GAB2: variants seen among roughly 807,000 people sequenced by gnomAD.
GAB2 encodes the protein GRB2 associated binding protein 2.
Under a neutral mutation model 65.5 loss-of-function variants are expected in GAB2, and 26 were observed. The observed-to-expected ratio is 0.40, with a 90% confidence interval of 0.29 to 0.55. The LOEUF (loss-of-function observed/expected upper bound fraction) is 0.55. GAB2 is among the 20% of genes least tolerant of loss of function. The probability of loss-of-function intolerance (pLI) is 0.53; values close to 1 mark genes in which losing one functional copy is unlikely to be tolerated. For missense variants in GAB2, 884 were observed against 875.8 expected (o/e 1.01, Z -0.12); for synonymous variants, 321 against 329.6 (o/e 0.97, Z 0.28).
chr11:78,228,331 G>A (rs1864747855), intron 3 of GAB2, among the ~76,000 whole-genome samples: 1 of 152,128 alleles, frequency 6.6e-6, no homozygotes, highest in African/African-American at 2.4e-5. Flanking sequence ...TTCACTTGGG[G>A]AAAAAAAGAA....
At chr11:78,324,539 C>A (rs1467684842) in intron 1 of GAB2, among the ~76,000 whole-genome samples, 1 of 152,186 alleles carries the variant, frequency 6.6e-6, no homozygotes, top group Non-Finnish European at 1.5e-5. Context: ...AGAGGGAAAG[C>A]AATGGCTAGC....
Position 78,406,795 on chromosome 11 carries a change from A to C in GAB2, c.75+10851T>G, listed in dbSNP as rs72933721. Among the ~76,000 whole-genome samples the C allele has an allele frequency of 3.4e-3, 513 of 152,362 alleles. 1 individual carries two copies. The highest frequency in any genetic ancestry group is 3.5e-3 in the Non-Finnish European group (235 of 68,034). On this transcript the variant is annotated intron_variant, in intron 1 of 9. Transcript: ENST00000361507. The stretch of plus-strand genomic sequence containing the variant: ...GAGCTGTTAGAATTATCTTTCAAAG[A>C]TTTTAAAGAGTCATCATAAAAATGC...
rs770048392 is a variant in GAB2 at position 78,226,864 on chromosome 11, G to C, written c.808C>G (p.Arg270Gly). 8.7e-6 allele frequency: 14 copies of C among 1,614,106 alleles called. No homozygotes were observed. The highest frequency in any genetic ancestry group is 5.5e-5 in the South Asian group (5 of 91,082). ...EFRDSTYDLPRSLASHGHTKG... is the reference protein window; with the variant it reads ...EFRDSTYDLPGSLASHGHTKG... The stretch of plus-strand genomic sequence containing the variant: ...GTGTGGCCATGGGAGGCCAGGCTGC[G>C]GGGGAGGTCGTAGGTACTGTCTCTG... The change falls in exon 4 of 10, where the codon CGC (arginine) becomes GGC (glycine). Residue 270 changes from arginine (R) to glycine (G), a missense_variant. Physicochemically the swap from Arg to Gly is moderately radical, Grantham distance 125. Transcript: ENST00000361507.
At chr11:78,385,984 A>G (rs1297900984) in intron 1 of GAB2, among the ~76,000 whole-genome samples, 2 of 152,184 alleles carry the variant, frequency 1.3e-5, no homozygotes, top group African/African-American at 4.8e-5. Flanking sequence ...TTACCTGTCT[A>G]TCTATACGTA....
At chr11:78,357,386 A>G (rs1856373628) in intron 1 of GAB2, among the ~76,000 whole-genome samples, 1 of 152,206 alleles carries the variant, frequency 6.6e-6, no homozygotes, top group South Asian at 2.1e-4. Flanking sequence ...TCCAAAAGCA[A>G]TGGCAACAAA....
chr11:78,226,753 C>A lies in GAB2; in HGVS notation c.919G>T (p.Gly307Trp). 1 of 1,614,000 alleles carries A rather than the reference C, an allele frequency of 6.2e-7. No homozygotes were observed. Among genetic ancestry groups the A allele is most frequent in the South Asian group, 1.1e-5 (1 of 91,076 alleles). The part of the protein sequence containing the change: ...TPSNTLCREF[G>W]DLLVDNMDVP... ...TCCATATTGTCTACCAGGAGGTCCC[C>A]GAACTCCCTGCACAGGGTGTTGCTG... Residue 307 changes from glycine (G) to tryptophan (W), a missense_variant, in exon 4 of 10, where the codon GGG (glycine) becomes TGG (tryptophan). Coordinates refer to ENST00000361507, the MANE Select transcript of GAB2 (RefSeq NM_080491.3).
intron 3 of GAB2, among the ~76,000 whole-genome samples, chr11:78,234,238 G>A (rs2510041): frequency 0.28 from 42,387 of 151,952 alleles, 7,369 homozygotes; most frequent in African/African-American, 0.48. Flanking sequence ...ACATGTGACC[G>A]TGCCTGGCTA....
chr11:78,267,247 C>T (rs1865895432), intron 2 of GAB2, among the ~76,000 whole-genome samples: 1 of 152,174 alleles, frequency 6.6e-6, no homozygotes. Context: ...ACAAAAGATC[C>T]TACAGCACTG....
intron 2 of GAB2, among the ~76,000 whole-genome samples, chr11:78,257,238 G>T (rs557689421): frequency 7.9e-5 from 12 of 152,122 alleles, no homozygotes; most frequent in Admixed American, 7.9e-4. Context: ...GGTGGTTGGC[G>T]GGAGTTTCTG....
chr11:78,343,187 A>G (rs998150165), intron 1 of GAB2, among the ~76,000 whole-genome samples: 1 of 152,202 alleles, frequency 6.6e-6, no homozygotes, highest in Non-Finnish European at 1.5e-5. Context: ...CTAGAAAACC[A>G]CCATGAGAAA....
chr11:78,258,402 G>A (rs1363637641), intron 2 of GAB2, among the ~76,000 whole-genome samples: 2 of 152,122 alleles, frequency 1.3e-5, no homozygotes, highest in Admixed American at 6.6e-5. Flanking sequence ...AAGCATCCAC[G>A]TTCTCTCTGG....
At chr11:78,375,595 A>C (rs957465325) in intron 1 of GAB2, among the ~76,000 whole-genome samples, 3 of 152,250 alleles carry the variant, frequency 2.0e-5, no homozygotes, top group African/African-American at 7.2e-5. Context: ...GTAAATGGAT[A>C]CATCTTGAGA....
intron 2 of GAB2, among the ~76,000 whole-genome samples, chr11:78,272,471 C>A (rs922421029): frequency 1.3e-5 from 2 of 152,122 alleles, no homozygotes; most frequent in African/African-American, 4.8e-5. Flanking sequence ...GCATTTTACC[C>A]CTGCCCTAGA....
At chr11:78,221,967 A>G (rs947005569) in intron 7 of GAB2, 138 bp downstream of exon 7, 4 of 711,890 alleles carry the variant, frequency 5.6e-6, no homozygotes, top group South Asian at 1.6e-5. Context: ...ACCAAGCCAC[A>G]AGACATCGAG....
chr11:78,255,638 G>C (rs1054763310), intron 2 of GAB2, among the ~76,000 whole-genome samples: 1 of 152,170 alleles, frequency 6.6e-6, no homozygotes, highest in Non-Finnish European at 1.5e-5. Flanking sequence ...TCAGTTGGAG[G>C]CAAGAGCTTC....
chr11:78,387,247 C>T (rs2134745449), intron 1 of GAB2, among the ~76,000 whole-genome samples: 2 of 152,300 alleles, frequency 1.3e-5, no homozygotes, highest in South Asian at 4.1e-4. Context: ...TGTATGACCT[C>T]TGAGGCTCCA....
At chr11:78,325,998 C>G (rs1285159787) in intron 1 of GAB2, among the ~76,000 whole-genome samples, 1 of 152,144 alleles carries the variant, frequency 6.6e-6, no homozygotes, top group African/African-American at 2.4e-5. Flanking sequence ...TAACTCCAGC[C>G]ATCCTATTCT....
intron 1 of GAB2, among the ~76,000 whole-genome samples, chr11:78,346,399 C>G (rs1856179255): frequency 6.6e-6 from 1 of 151,882 alleles, no homozygotes; most frequent in Non-Finnish European, 1.5e-5. Flanking sequence ...ACACATGTGC[C>G]AGAAACTGAG....
intron 1 of GAB2, among the ~76,000 whole-genome samples, chr11:78,395,947 A>G (rs1322203325): frequency 6.6e-6 from 1 of 152,210 alleles, no homozygotes; most frequent in African/African-American, 2.4e-5. Flanking sequence ...GCCAGTACAC[A>G]TTTCTTTTTT....
Sources: gnomAD v4.1 joint callset for allele counts (sites outside exome capture counted in the v4.1 genomes callset) on GRCh38, gnomAD v4.1.1 for gene constraint, MANE v1.5 for transcripts, NCBI Gene and HGNC (gene_info 2026-07-23, HGNC 2026-07-21) for gene names.